The following SPIRE2 variants were observed in gnomAD, a reference collection of about 807,000 sequenced individuals.
SPIRE2 encodes protein spire homolog 2.
A neutral mutation model predicts 80.7 loss-of-function variants in SPIRE2; 76 were observed. The observed-to-expected ratio is 0.94, with a 90% CI of 0.78 to 1.14. The LOEUF is 1.14. Among genes scored for constraint, SPIRE2 ranks in the 50% most tolerant of loss-of-function variants. The probability of loss-of-function intolerance (pLI) is 0.00; values close to 1 mark genes in which losing one functional copy is unlikely to be tolerated. For missense variants in SPIRE2, 1,196 were observed against 1,015.3 expected (o/e 1.18, Z -2.42); for synonymous variants, 535 against 432.6 (o/e 1.24, Z -2.94).
At chr16:89,834,256 T>C (rs1157271151) in intron 1 of SPIRE2, among the ~76,000 whole-genome samples, 1 of 132,338 alleles carries the variant, frequency 7.6e-6, no homozygotes, top group Non-Finnish European at 1.7e-5. Flanking sequence ...TGGATAAGCA[T>C]AGCCCGTGTG....
chr16:89,829,428 A>G (rs957553059), intron 1 of SPIRE2, among the ~76,000 whole-genome samples: 34 of 152,240 alleles, frequency 2.2e-4, no homozygotes, highest in African/African-American at 8.0e-4. Flanking sequence ...CCTTTACGAA[A>G]AAAACCGAAA....
intron 7 of SPIRE2, among the ~76,000 whole-genome samples, chr16:89,856,832 G>A (rs1025407165): frequency 2.0e-5 from 3 of 151,742 alleles, no homozygotes; most frequent in African/African-American, 7.3e-5. Flanking sequence ...ATGCTGAGGC[G>A]GGAGGATCAC....
intron 1 of SPIRE2, among the ~76,000 whole-genome samples, chr16:89,841,118 T>A (rs7205642): frequency 0.55 from 83,400 of 150,706 alleles, 24,941 homozygotes; most frequent in East Asian, 0.99. Flanking sequence ...CAGGAAGTCA[T>A]GGCTGCAGTG....
At chr16:89,851,400 CG>C (rs1311155179) in intron 3 of SPIRE2, among the ~76,000 whole-genome samples, 2 of 152,144 alleles carry the variant, frequency 1.3e-5, no homozygotes, top group Non-Finnish European at 2.9e-5. Context: ...ACGGGCCGTT[CG>C]GTGAGAAAGC....
At chr16:89,848,083 C>T (rs1359395343) in intron 2 of SPIRE2, among the ~76,000 whole-genome samples, 3 of 152,226 alleles carry the variant, frequency 2.0e-5, no homozygotes, top group South Asian at 4.1e-4. Context: ...ACACATTTCC[C>T]GCTACGCTGT....
chr16:89,862,239 A>C (rs1039461136), intron 10 of SPIRE2: 2 of 151,826 alleles, frequency 1.3e-5, no homozygotes, highest in South Asian at 2.1e-4. Flanking sequence ...TCCTGACCTC[A>C]TCATCCGCCC....
At chr16:89,854,136 C>A in intron 3 of SPIRE2, 150 bp from the exon 4 acceptor site, 1 of 725,906 alleles carries the variant, frequency 1.4e-6, no homozygotes. Context: ...CTTTTCGAGT[C>A]CTATGGCCTG....
At chr16:89,845,139 C>T (rs1197920559) in intron 1 of SPIRE2, among the ~76,000 whole-genome samples, 183 bp from the exon 2 acceptor site, 2 of 152,192 alleles carry the variant, frequency 1.3e-5, no homozygotes, top group African/African-American at 4.8e-5. Flanking sequence ...AGAGCCAGCT[C>T]GAGCCGGGCC....
At position 89,862,483 on chromosome 16, in the gene SPIRE2, T is replaced by C. The variant is rs548916345; in HGVS notation, c.1576-993T>C. 25 of 152,460 alleles carry C rather than the reference T, an allele frequency of 1.6e-4. No homozygotes were observed. The East Asian group carries it at 4.6e-3, about 28-fold the overall frequency. The allele number at this position is 152,460 out of a possible 1,614,324, so 9.4% of individuals were successfully genotyped here. A position where few individuals can be genotyped will look rare whatever the true frequency, so the allele number is the denominator to read the frequency against. ...GCACCACAGAACCTGGCCTTCCATCTGCCCTGGGCTCACAGCCTCACCTGG... is the reference window on the plus strand; with the variant it reads ...GCACCACAGAACCTGGCCTTCCATCCGCCCTGGGCTCACAGCCTCACCTGG... On this transcript the variant is annotated intron_variant, in intron 10 of 14. Coordinates refer to ENST00000378247, the MANE Select transcript of SPIRE2 (RefSeq NM_032451.2).
chr16:89,856,058 G>A (rs778239890), intron 6 of SPIRE2, 55 bp from the exon 7 acceptor site: 16 of 1,581,322 alleles, frequency 1.0e-5, no homozygotes, highest in South Asian at 4.5e-5. Context: ...CGCAGGTCCC[G>A]CTTCCCCACC....
intron 2 of SPIRE2, 151 bp from the exon 3 acceptor site, chr16:89,850,153 C>A: frequency 1.3e-6 from 1 of 745,314 alleles, no homozygotes. Flanking sequence ...TCCTTTTCAT[C>A]CGGTCCATGT....
chr16:89,857,389 G>C (rs1269354054), intron 7 of SPIRE2, among the ~76,000 whole-genome samples: 1 of 151,948 alleles, frequency 6.6e-6, no homozygotes, highest in Non-Finnish European at 1.5e-5. Context: ...TTCTGCCTCA[G>C]CTTCCCGAAG....
intron 3 of SPIRE2, 22 bp downstream of exon 3, chr16:89,850,682 C>G (rs1214134049): frequency 7.0e-7 from 1 of 1,438,302 alleles, no homozygotes; most frequent in Non-Finnish European, 9.1e-7. Flanking sequence ...GTGGGGGCGA[C>G]CGTGGAGGGT....
chr16:89,830,943 T>C (rs1482380076), intron 1 of SPIRE2, among the ~76,000 whole-genome samples: 1 of 146,136 alleles, frequency 6.8e-6, no homozygotes, highest in African/African-American at 2.5e-5. Context: ...GGAGTCTCGC[T>C]CTGTTGCCCA....
At chr16:89,869,072 A>ATATATATATATATG (rs67559135) in intron 13 of SPIRE2, among the ~76,000 whole-genome samples, 3,465 of 65,334 alleles carry the variant, frequency 0.053, 439 homozygotes, top group South Asian at 0.074. Context: ...ATATATATAT[A>ATATATATATATATG]TATGTTACCC....
At chr16:89,842,414 T>A (rs1212703950) in intron 1 of SPIRE2, among the ~76,000 whole-genome samples, 1 of 152,042 alleles carries the variant, frequency 6.6e-6, no homozygotes, top group African/African-American at 2.4e-5. Context: ...GGTTTTGCCA[T>A]GTTGGCCAGA....
chr16:89,870,192 G>C lies in SPIRE2; in HGVS notation c.2065G>C (p.Val689Leu), dbSNP rs544131441. The change falls in exon 15 of 15, where the codon GTC becomes CTC. Residue 689 changes from valine to leucine, a missense_variant. Transcript: ENST00000378247. Reference sequence around the variant, plus strand: ...GCGTTCCAGCCGCAAGAGCGTGGACGTCCTCAACACTACGCCACGACGCAG... The same window carrying C: ...GCGTTCCAGCCGCAAGAGCGTGGACCTCCTCAACACTACGCCACGACGCAG... ...VVRSSRKSVD[V>L]LNTTPRRSRQ... 2.5e-6 allele frequency: 4 copies of C among 1,610,004 alleles called. No individual in the cohort carries two copies. In the South Asian group the frequency reaches 4.4e-5, roughly 18 times the overall value.
At chr16:89,845,743 C>G (rs951965548) in intron 2 of SPIRE2, 4 of 617,572 alleles carry the variant, frequency 6.5e-6, no homozygotes, top group Non-Finnish European at 1.2e-5. Flanking sequence ...ACCAGTGCCC[C>G]GAAACCCCAC....
At chr16:89,869,053 A>AAAAACATATATAT in intron 13 of SPIRE2, among the ~76,000 whole-genome samples, 1 of 24,036 alleles carries the variant, frequency 4.2e-5, no homozygotes, top group African/African-American at 1.6e-4. Context: ...AAAAAAAAAA[A>AAAAACATATATAT]ATATATATAT....
Sources: allele counts gnomAD v4.1 joint callset (sites outside exome capture counted in the v4.1 genomes callset), GRCh38; gene constraint gnomAD v4.1.1; transcripts MANE v1.5; gene names NCBI Gene and HGNC (gene_info 2026-07-23, HGNC 2026-07-21).